The following NCMAP variants were observed in gnomAD, a reference collection of about 807,000 sequenced individuals.
NCMAP encodes the protein non-compact myelin associated protein.
In NCMAP, 8 loss-of-function variants were observed where a neutral mutation model predicts 7.8. The observed-to-expected ratio is 1.02, with a 90% confidence interval of 0.60 to 1.84. The LOEUF (loss-of-function observed/expected upper bound fraction) is 1.84, where lower values mean the gene tolerates loss of function less well. Among genes scored for constraint, NCMAP ranks in the 40% most tolerant of loss-of-function variants. The pLI, the probability that NCMAP is intolerant of heterozygous loss-of-function variation, is 0.00. For missense variants in NCMAP, 112 were observed against 131.4 expected, an observed-to-expected ratio of 0.85 and a Z score of 0.72; for synonymous variants, 41 against 52.9, an observed-to-expected ratio of 0.78 and a Z score of 0.98.
At chr1:24,557,387 ATGTGTGCATGTGTGTGTGTGTGCGCT>A (rs1182832777) in intron 1 of NCMAP, among the ~76,000 whole-genome samples, 7 of 151,202 alleles carry the variant, frequency 4.6e-5, no homozygotes, top group Non-Finnish European at 1.0e-4. Context: ...GCATGTGTGT[ATGTGTGCATGTGTGTGTGTGTGCGCT>A]TGTGTGCATG....
chr1:24,558,543 T>A (rs1178293025), intron 1 of NCMAP, among the ~76,000 whole-genome samples: 2 of 152,188 alleles, frequency 1.3e-5, no homozygotes. Context: ...GAGAAGGATC[T>A]AGTGCTAGAC....
chr1:24,560,150 G>C lies in NCMAP; in HGVS notation c.-8+3981G>C, dbSNP rs535953483. 3.6e-5 allele frequency among the ~76,000 whole-genome samples: 4 copies of C among 111,882 alleles called. No homozygotes were observed. In the East Asian group the frequency reaches 1.1e-3, roughly 31 times the overall value. The allele number at this position is 111,882 out of a possible 152,430, so 73.4% of individuals were successfully genotyped here. A position where few individuals can be genotyped will look rare whatever the true frequency, so the allele number is the denominator to read the frequency against. On this transcript the variant is annotated intron_variant, in intron 1 of 3. Coordinates refer to ENST00000374392, the MANE Select transcript of NCMAP (RefSeq NM_001010980.5). The stretch of plus-strand genomic sequence containing the variant: ...CACTCCAGCCTGGGCGACAGAGCCA[G>C]ACTCCATCTCAAAAAAAAAAAAAAA...
At chr1:24,589,584 A>AGGAG (rs1161443744) in intron 1 of NCMAP, 1 of 152,554 alleles carries the variant, frequency 6.6e-6, no homozygotes, top group African/African-American at 2.4e-5. Context: ...GGACCTGTAG[A>AGGAG]GGAGCCTGTG....
intron 2 of NCMAP, 48 bp downstream of exon 2, chr1:24,595,560 T>C (rs759512622): frequency 2.3e-5 from 34 of 1,462,002 alleles, no homozygotes; most frequent in Non-Finnish European, 2.3e-5. Flanking sequence ...GCAGGACCAG[T>C]GTCATGGTCA....
At chr1:24,594,902 T>TG (rs1652167800) in intron 1 of NCMAP, among the ~76,000 whole-genome samples, 1 of 151,640 alleles carries the variant, frequency 6.6e-6, no homozygotes, top group African/African-American at 2.4e-5. Context: ...AAAAAAAAAT[T>TG]TTTTAAATCA....
At chr1:24,573,320 G>A (rs1651443593) in intron 1 of NCMAP, among the ~76,000 whole-genome samples, 1 of 150,938 alleles carries the variant, frequency 6.6e-6, no homozygotes, top group East Asian at 1.9e-4. Context: ...GCTGGGCGCA[G>A]TGGCTCACTC....
At chr1:24,597,679 AAAGAAAGAAAGAAAGAGAAAGAAG>A (rs1652305753) in intron 2 of NCMAP, among the ~76,000 whole-genome samples, 7 of 105,086 alleles carry the variant, frequency 6.7e-5, no homozygotes, top group Admixed American at 2.0e-4. Flanking sequence ...AAGAAAAGAA[AAAGAAAGAAAGAAAGAGAAAGAAG>A]GAAAGATTGG....
intron 1 of NCMAP, among the ~76,000 whole-genome samples, chr1:24,568,151 G>A (rs552217777): frequency 6.6e-6 from 1 of 152,126 alleles, no homozygotes; most frequent in South Asian, 2.1e-4. Context: ...CTCCCTCTCA[G>A]GCTGTGGTAT....
intron 1 of NCMAP, chr1:24,563,960 A>G (rs1651134879): frequency 6.6e-6 from 1 of 152,212 alleles, no homozygotes; most frequent in African/African-American, 2.4e-5. Flanking sequence ...AATTGGGAAG[A>G]TGTAGGAATA....
intron 2 of NCMAP, among the ~76,000 whole-genome samples, chr1:24,599,767 A>G (rs1208493063): frequency 3.7e-5 from 5 of 136,506 alleles, no homozygotes; most frequent in East Asian, 2.5e-4. Context: ...TAGTAGAGAC[A>G]GGGTTTCCCC....
intron 1 of NCMAP, among the ~76,000 whole-genome samples, chr1:24,556,414 C>G (rs1650897554): frequency 6.6e-6 from 1 of 152,166 alleles, no homozygotes; most frequent in Non-Finnish European, 1.5e-5. Flanking sequence ...GTCTTGGAGA[C>G]GAGGTCGTTT....
rs1444411094 is a variant in NCMAP at position 24,607,574 on chromosome 1, C to A, written c.*1827C>A. 3.3e-5 allele frequency: 5 copies of A among 152,130 alleles called. No individual in the cohort carries two copies. Among genetic ancestry groups the A allele is most frequent in the Non-Finnish European group, 7.3e-5 (5 of 68,028 alleles). 9.4% of individuals were successfully genotyped at this position (152,130 alleles called of 1,614,324 possible). ...GTCTCTCCCTCTTGGGGTCAGAAAT[C>A]CCTTCTGAGGCCAGGTGTCGTGGCT... On this transcript the variant is annotated 3_prime_UTR_variant, in exon 4 of 4. Transcript: ENST00000374392.
intron 1 of NCMAP, among the ~76,000 whole-genome samples, chr1:24,590,910 A>G (rs1046047017): frequency 6.6e-6 from 1 of 152,202 alleles, no homozygotes; most frequent in Admixed American, 6.5e-5. Flanking sequence ...ACACTGAAAA[A>G]CACTTTCCAT....
intron 1 of NCMAP, among the ~76,000 whole-genome samples, chr1:24,573,621 A>G (rs1316614257): frequency 5.3e-5 from 8 of 149,628 alleles, no homozygotes; most frequent in Admixed American, 5.3e-4. Flanking sequence ...AAAAACAAAA[A>G]CAAAAACTTG....
At chr1:24,570,759 C>T (rs897121513) in intron 1 of NCMAP, among the ~76,000 whole-genome samples, 3 of 150,964 alleles carry the variant, frequency 2.0e-5, no homozygotes, top group African/African-American at 7.5e-5. Flanking sequence ...GTGATGCAGA[C>T]CACACATGGG....
At chr1:24,600,843 C>A in intron 2 of NCMAP, 97 bp from the exon 3 acceptor site, 1 of 1,015,570 alleles carries the variant, frequency 9.8e-7, no homozygotes, top group Non-Finnish European at 1.6e-6. Flanking sequence ...TCCTGCCTCC[C>A]TTGACCTAGT....
At chr1:24,594,107 G>A (rs535107082) in intron 1 of NCMAP, among the ~76,000 whole-genome samples, 47 of 152,026 alleles carry the variant, frequency 3.1e-4, no homozygotes, top group African/African-American at 1.1e-3. Context: ...GACCAGGCTG[G>A]TCTCAAACTC....
At chr1:24,572,541 G>A (rs899122331) in intron 1 of NCMAP, among the ~76,000 whole-genome samples, 4 of 150,408 alleles carry the variant, frequency 2.7e-5, no homozygotes, top group Non-Finnish European at 5.9e-5. Flanking sequence ...CAAGCTCCCC[G>A]TGCCAGGGCC....
intron 1 of NCMAP, among the ~76,000 whole-genome samples, chr1:24,583,134 C>T (rs540935833): frequency 1.3e-5 from 2 of 152,240 alleles, no homozygotes; most frequent in South Asian, 4.1e-4. Context: ...AATAGCTCTA[C>T]TCCAGTGATT....
Sources: allele counts gnomAD v4.1 joint callset (sites outside exome capture counted in the v4.1 genomes callset), GRCh38; gene constraint gnomAD v4.1.1; transcripts MANE v1.5; gene names NCBI Gene and HGNC (gene_info 2026-07-23, HGNC 2026-07-21).